PHF24: variants seen among roughly 807,000 people sequenced by gnomAD.
PHF24 encodes the protein Galpha inhibitory interacting protein.
A neutral mutation model predicts 42.6 loss-of-function variants in PHF24; 25 were observed. The ratio of observed to expected loss-of-function variants is 0.59; its 90% CI spans 0.43 to 0.82. The LOEUF is 0.82. PHF24 is among the 40% of genes least tolerant of loss of function. The pLI, the probability that PHF24 is intolerant of heterozygous loss-of-function variation, is 0.00. For synonymous variants in PHF24, 185 were observed against 204.8 expected, an observed-to-expected ratio of 0.90 and a Z score of 0.83; for missense variants, 470 against 538.1, an observed-to-expected ratio of 0.87 and a Z score of 1.25.
chr9:34,936,088 CT>C, the PHF24 span, among the ~76,000 whole-genome samples: 1 of 151,714 alleles, frequency 6.6e-6, no homozygotes, highest in African/African-American at 2.4e-5. Flanking sequence ...CTCCCTCTCC[CT>C]CTCTTTCCAC....
At chr9:34,875,984 T>A in the PHF24 span, among the ~76,000 whole-genome samples, 7 of 133,326 alleles carry the variant, frequency 5.3e-5, no homozygotes, top group South Asian at 1.8e-3. Context: ...TCTCTCTCTC[T>A]CTCACTCCTT....
chr9:34,851,413 G>T, the PHF24 span, among the ~76,000 whole-genome samples: 5 of 152,304 alleles, frequency 3.3e-5, 1 homozygote, highest in East Asian at 3.9e-4. Context: ...GCCAGGTGCG[G>T]GATATAATCT....
the PHF24 span, among the ~76,000 whole-genome samples, chr9:34,920,119 G>T: frequency 1.3e-5 from 2 of 152,170 alleles, no homozygotes; most frequent in African/African-American, 4.8e-5. Context: ...TTAGTTTTCT[G>T]AGGAACCTCC....
the PHF24 span, among the ~76,000 whole-genome samples, chr9:34,929,663 C>T: frequency 6.6e-6 from 1 of 152,162 alleles, no homozygotes. Flanking sequence ...TGAGAGTCAC[C>T]ATAAGCAGCA....
the PHF24 span, among the ~76,000 whole-genome samples, chr9:34,787,542 A>T: frequency 6.6e-6 from 1 of 152,316 alleles, no homozygotes; most frequent in Middle Eastern, 3.4e-3. Context: ...TTTCCATCTC[A>T]TTCCATCCTA....
At chr9:34,888,911 G>T in the PHF24 span, among the ~76,000 whole-genome samples, 1 of 152,136 alleles carries the variant, frequency 6.6e-6, no homozygotes, top group Non-Finnish European at 1.5e-5. Flanking sequence ...CCACATTCTA[G>T]GGTGGGGCTG....
At chr9:34,725,046 G>T in the PHF24 span, 2 of 1,552,034 alleles carry the variant, frequency 1.3e-6, no homozygotes, top group African/African-American at 2.7e-5. Flanking sequence ...TTGTGATGCA[G>T]GTCCGGGTCA....
chr9:34,865,843 C>A, the PHF24 span, among the ~76,000 whole-genome samples: 1 of 152,214 alleles, frequency 6.6e-6, no homozygotes, highest in African/African-American at 2.4e-5. Flanking sequence ...AACTTCAGTT[C>A]CTCACTGGCT....
chr9:34,665,958 T>C, the PHF24 span: 1 of 491,980 alleles, frequency 2.0e-6, no homozygotes, highest in South Asian at 2.4e-5. Flanking sequence ...TGGGTGAGGA[T>C]TTTCAGGGGC....
the PHF24 span, among the ~76,000 whole-genome samples, chr9:34,806,247 A>G: frequency 0.054 from 8,205 of 152,166 alleles, 731 homozygotes; most frequent in African/African-American, 0.19. Context: ...ATCGCTTTCT[A>G]AAACAATGTC....
the PHF24 span, chr9:34,724,777 T>C: frequency 6.4e-7 from 1 of 1,551,688 alleles, no homozygotes; most frequent in South Asian, 1.2e-5. Context: ...GAGGCTCTGC[T>C]GGGATTTCCA....
the PHF24 span, among the ~76,000 whole-genome samples, chr9:34,787,143 C>T: frequency 2.6e-5 from 4 of 151,952 alleles, no homozygotes; most frequent in African/African-American, 9.7e-5. Context: ...ACATTTACAC[C>T]CGGTATTTAT....
At chr9:34,779,391 C>T in the PHF24 span, among the ~76,000 whole-genome samples, 5 of 152,120 alleles carry the variant, frequency 3.3e-5, no homozygotes, top group African/African-American at 7.2e-5. Context: ...TGTGTTTCTA[C>T]GTTGAGGATC....
the PHF24 span, among the ~76,000 whole-genome samples, chr9:34,674,723 A>G: frequency 6.6e-6 from 1 of 152,176 alleles, no homozygotes; most frequent in East Asian, 1.9e-4. Flanking sequence ...ATATGCTTAA[A>G]CGATTGTAGT....
At chr9:34,822,773 A>T in the PHF24 span, among the ~76,000 whole-genome samples, 1 of 152,224 alleles carries the variant, frequency 6.6e-6, no homozygotes, top group African/African-American at 2.4e-5. Flanking sequence ...CTTTGTTTTT[A>T]CCAGGTTATC....
exon 8 of PHF24, chr9:34,981,104 C>G (rs1029822380): frequency 6.6e-6 from 1 of 152,284 alleles, no homozygotes; most frequent in Non-Finnish European, 1.5e-5. Flanking sequence ...TCCCCTCACT[C>G]TAGGTACTGA....
the PHF24 span, among the ~76,000 whole-genome samples, chr9:34,854,068 G>A: frequency 6.6e-6 from 1 of 152,084 alleles, no homozygotes; most frequent in East Asian, 1.9e-4. Flanking sequence ...TGTGCATAGA[G>A]GTGTTTATAG....
chr9:34,731,064 T>C, the PHF24 span, among the ~76,000 whole-genome samples: 2 of 152,226 alleles, frequency 1.3e-5, no homozygotes, highest in East Asian at 3.8e-4. Context: ...CAGAAGAGTG[T>C]ATAGCTGTCT....
chr9:34,917,823 C>G, the PHF24 span: 1 of 1,431,854 alleles, frequency 7.0e-7, no homozygotes, highest in Middle Eastern at 1.7e-4. Flanking sequence ...CATGGGAGAT[C>G]ATCTCTGGGT....
Sources: allele counts gnomAD v4.1 joint callset (sites outside exome capture counted in the v4.1 genomes callset), GRCh38; gene constraint gnomAD v4.1.1; transcripts MANE v1.5; gene names NCBI Gene and HGNC (gene_info 2026-07-23, HGNC 2026-07-21).